The following SF1 variants were observed in gnomAD, a reference collection of about 807,000 sequenced individuals.
The protein encoded by SF1 is splicing factor 1.
In SF1, 7 loss-of-function variants were observed where a neutral mutation model predicts 62.5. The ratio of observed to expected loss-of-function variants is 0.11; its 90% CI spans 0.06 to 0.21. SF1 has a LOEUF of 0.21. Among genes scored for constraint, SF1 ranks in the 10% least tolerant of loss-of-function variants. The probability of loss-of-function intolerance (pLI) is 1.00; values close to 1 mark genes in which losing one functional copy is unlikely to be tolerated. For missense variants in SF1, 578 were observed against 884.0 expected (o/e 0.65, Z 4.39); for synonymous variants, 394 against 323.6 (o/e 1.22, Z -2.33).
At chr11:64,772,210 G>A (rs1192848786) in intron 3 of SF1, 1 of 984,964 alleles carries the variant, frequency 1.0e-6, no homozygotes, top group African/African-American at 1.8e-5. Flanking sequence ...AAGAAGGTTT[G>A]TTAAAAATTC....
intron 3 of SF1, 112 bp from the exon 4 acceptor site, chr11:64,770,520 C>G: frequency 8.4e-7 from 1 of 1,185,006 alleles, no homozygotes. Context: ...ATACAACACT[C>G]TTCGGAGGAA....
chr11:64,776,502 A>G lies in SF1; in HGVS notation c.156T>C (p.Tyr52=). Residue 52 remains tyrosine, a synonymous_variant, in exon 2 of 13, where the codon TAT becomes TAC. Transcript: ENST00000377390. ...PGLTREQERA[Y]IVQLQIEDLT... ...GGATGCAGAACGTATATTTACCTAT[A>G]TAAGCTCTTTCTTGTTCTCGAGTAA... 1 of 1,563,148 alleles carries G rather than the reference A, an allele frequency of 6.4e-7. No individual in the cohort carries two copies. The highest frequency in any genetic ancestry group is 1.4e-5 in the African/African-American group (1 of 72,010).
At chr11:64,766,513 A>C in intron 12 of SF1, 1 of 443,178 alleles carries the variant, frequency 2.3e-6, no homozygotes, top group Non-Finnish European at 4.0e-6. Flanking sequence ...CCCACTGCCC[A>C]GTCCCACCTC....
Position 64,776,639 on chromosome 11 carries a change from G to A in SF1, c.32-13C>T, listed in dbSNP as rs750945662. 3.1e-6 allele frequency: 5 copies of A among 1,605,136 alleles called. No individual in the cohort carries two copies. In the African/African-American group the frequency reaches 5.4e-5, roughly 17 times the overall value. On this transcript the variant is annotated splice_polypyrimidine_tract_variant and intron_variant, in intron 1 of 12. Coordinates refer to ENST00000377390, the MANE Select transcript of SF1 (RefSeq NM_004630.4). ...TTACTTGGGAAGTCTAAAAGGCAGA[G>A]ACAAAATCCATCCGATGTAAATACA...
intron 1 of SF1, chr11:64,777,497 A>C: frequency 1.0e-6 from 1 of 985,238 alleles, no homozygotes; most frequent in Non-Finnish European, 1.2e-6. Flanking sequence ...AAGCATGCCA[A>C]CCTCTCCCGG....
rs1278224251 is a variant in SF1, at chr11:64,778,351, G to T, written c.31+11C>A. ...CGGGGAGCGGGGGCAGCCCGGGGGG[G>T]CCCAGCTTACCCAACGGCGTGGCGT... is the stretch of plus-strand genomic sequence containing the variant. On this transcript the variant is annotated intron_variant, in intron 1 of 12. Transcript: ENST00000377390. 5 of 1,226,936 alleles carry T rather than the reference G, an allele frequency of 4.1e-6. No homozygotes were observed. In the African/African-American group the frequency reaches 6.3e-5, roughly 15 times the overall value. 76.0% of individuals were successfully genotyped at this position (1,226,936 alleles called of 1,614,324 possible). A position where few individuals can be genotyped will look rare whatever the true frequency, so the allele number is the denominator to read the frequency against.
intron 1 of SF1, chr11:64,778,144 C>A: frequency 1.2e-6 from 1 of 807,638 alleles, no homozygotes; most frequent in Non-Finnish European, 1.5e-6. Context: ...GAGGCGGCGG[C>A]GGCTGCTGGG....
intron 3 of SF1, chr11:64,772,874 A>G: frequency 1.0e-6 from 1 of 985,856 alleles, no homozygotes. Flanking sequence ...GGCCCCTCCC[A>G]ACACCCCCAA....
Position 64,765,920 on chromosome 11 carries a change from G to A in SF1, c.1818C>T (p.Pro606=), listed in dbSNP as rs2058622027. The A allele has an allele frequency of 6.4e-7, 1 of 1,568,502 alleles. No individual in the cohort carries two copies. The highest frequency in any genetic ancestry group is 8.6e-7 in the Non-Finnish European group (1 of 1,157,480). The change falls in exon 13 of 13, where the codon CCC becomes CCT. Residue 606 remains proline (P), a synonymous_variant. Coordinates refer to ENST00000377390, the MANE Select transcript of SF1 (RefSeq NM_004630.4). ...TGGTGACAAAGTTAGAAGGGTCCAT[G>A]GGAGGCGGAGGAGGAGGGGGCGGGG... ...MYAPPPPPPP[P]MDPSNFVTMM... is the part of the protein sequence containing the mutation.
intron 8 of SF1, among the ~76,000 whole-genome samples, chr11:64,768,598 G>A (rs1014187948): frequency 5.9e-5 from 9 of 152,234 alleles, no homozygotes; most frequent in African/African-American, 1.7e-4. Context: ...TTTGAGGAAA[G>A]GAAAATCTAT....
Position 64,778,514 on chromosome 11 carries a change from G to T in SF1, c.-122C>A. 2.5e-6 allele frequency: 3 copies of T among 1,201,698 alleles called. No homozygotes were observed. The highest frequency in any genetic ancestry group is 3.1e-6 in the Non-Finnish European group (3 of 968,044). The allele number at this position is 1,201,698 out of a possible 1,614,324, so 74.4% of individuals were successfully genotyped here. ...GAGCGCGCGGAGCCCGTCCTCTCAC[G>T]CGGCGGGCGGCGGCGGCGCGAGACG... On this transcript the variant is annotated 5_prime_UTR_variant, in exon 1 of 13. Coordinates refer to ENST00000377390, the MANE Select transcript of SF1 (RefSeq NM_004630.4).
chr11:64,766,402 A>AG, intron 12 of SF1: 2 of 543,346 alleles, frequency 3.7e-6, no homozygotes, highest in South Asian at 4.2e-5. Flanking sequence ...GGAAGGGCTG[A>AG]GGGGAAGGTA....
chr11:64,765,945 G>A lies in SF1; in HGVS notation c.1793C>T (p.Ala598Val), dbSNP rs1211593968. ...PPPGSAGMMY[A>V]PPPPPPPPMD... is the part of the protein sequence containing the mutation. ...GGGAGGCGGAGGAGGAGGGGGCGGG[G>A]CATACATCATGCCGGCGGAACCAGG... Residue 598 changes from alanine to valine, a missense_variant, in exon 13 of 13, where the codon GCC (alanine) becomes GTC (valine). Ala to Val is a moderately conservative substitution (Grantham distance 64). Transcript: ENST00000377390. The A allele has an allele frequency of 6.3e-7, 1 of 1,574,888 alleles. No individual in the cohort carries two copies. The highest frequency in any genetic ancestry group is 8.6e-7 in the Non-Finnish European group (1 of 1,160,724).
chr11:64,776,648 C>A, intron 1 of SF1, 22 bp from the exon 2 acceptor site: 1 of 1,604,796 alleles, frequency 6.2e-7, no homozygotes. Context: ...AGACAAAATC[C>A]ATCCGATGTA....
At chr11:64,777,028 G>T (rs959907667) in intron 1 of SF1, among the ~76,000 whole-genome samples, 3 of 152,148 alleles carry the variant, frequency 2.0e-5, no homozygotes, top group African/African-American at 7.2e-5. Flanking sequence ...GGGACTGGGG[G>T]CTCCACCCAC....
At chr11:64,770,184 C>T in intron 4 of SF1, 72 bp downstream of exon 4, 1 of 1,573,952 alleles carries the variant, frequency 6.4e-7, no homozygotes, top group Non-Finnish European at 8.7e-7. Context: ...AGTACCAATA[C>T]TGTCCCATCC....
chr11:64,767,433 A>C, intron 10 of SF1, 138 bp downstream of exon 10: 1 of 1,092,044 alleles, frequency 9.2e-7, no homozygotes, highest in Non-Finnish European at 1.3e-6. Flanking sequence ...TGCTCCTTCC[A>C]GAGCCACAAC....
intron 2 of SF1, among the ~76,000 whole-genome samples, chr11:64,774,800 C>A (rs633923): frequency 0.2 from 30,683 of 151,600 alleles, 4,170 homozygotes; most frequent in East Asian, 0.37. Flanking sequence ...TCTACTAAAA[C>A]TACAAAAAAA....
In SF1 at chr11:64,765,607, A is replaced by G; in HGVS notation, c.*211T>C. ...ACACTCGATGCTACGGGGCGCCAGGAGAGCCCAAGCTGGCGCCCCTACTAC... is the reference window on the plus strand; with the variant it reads ...ACACTCGATGCTACGGGGCGCCAGGGGAGCCCAAGCTGGCGCCCCTACTAC... On this transcript the variant is annotated 3_prime_UTR_variant, in exon 13 of 13. Transcript: ENST00000377390. 3 of 1,507,020 alleles carry G rather than the reference A, an allele frequency of 2.0e-6. No homozygotes were observed. The highest frequency in any genetic ancestry group is 2.6e-6 in the Non-Finnish European group (3 of 1,136,408). 93.4% of individuals were successfully genotyped at this position (1,507,020 alleles called of 1,614,324 possible).
Sources: gnomAD v4.1 joint callset for allele counts (sites outside exome capture counted in the v4.1 genomes callset) on GRCh38, gnomAD v4.1.1 for gene constraint, MANE v1.5 for transcripts, NCBI Gene and HGNC (gene_info 2026-07-23, HGNC 2026-07-21) for gene names.